Variants in BICRAL observed in about 807,000 individuals in gnomAD.
BICRAL encodes BICRA like chromatin remodeling complex associated protein.
In BICRAL, 8 loss-of-function variants were observed where a neutral mutation model predicts 91.8. The ratio of observed to expected loss-of-function variants is 0.09; its 90% confidence interval spans 0.05 to 0.16. BICRAL has a LOEUF of 0.16. Among genes scored for constraint, BICRAL ranks in the 10% least tolerant of loss-of-function variants. BICRAL has a pLI of 1.00. For missense variants in BICRAL, 1,038 were observed against 1,310.9 expected (o/e 0.79, Z 3.21); for synonymous variants, 445 against 491.1 (o/e 0.91, Z 1.24).
chr6:42,814,479 A>ATGTGTGTGTG lies in BICRAL; in HGVS notation c.-6+4090_-6+4099dup, dbSNP rs35473219. ...TATACGTATACATACATATACATGC[A>ATGTGTGTGTG]TGTGTGTGTGTGTGTGTGTGTATAT... On this transcript the variant is annotated intron_variant, in intron 2 of 12. Transcript: ENST00000314073. 7.6e-3 allele frequency among the ~76,000 whole-genome samples: 601 copies of ATGTGTGTGTG among 78,894 alleles called. 7 individuals carry two copies. The highest frequency in any genetic ancestry group is 0.013 in the African/African-American group (168 of 12,828). 51.8% of individuals were successfully genotyped at this position (78,894 alleles called of 152,430 possible).
Position 42,829,549 on chromosome 6 carries a change from A to T in BICRAL, c.1216A>T (p.Ser406Cys). ...APQSQFLIPT[S>C]LSVSSNSVHH... ...CCAAAGTCAGTTCCTTATACCTACA[A>T]GCCTTTCTGTCAGTTCCAACTCGGT... Residue 406 changes from serine to cysteine, a missense_variant, in exon 6 of 13, where the codon AGC becomes TGC. Ser to Cys is a moderately radical substitution (Grantham distance 112). Coordinates refer to ENST00000314073, the MANE Select transcript of BICRAL (RefSeq NM_001393499.1). The T allele has an allele frequency of 6.2e-7, 1 of 1,614,206 alleles. No individual in the cohort carries two copies. The highest frequency in any genetic ancestry group is 8.5e-7 in the Non-Finnish European group (1 of 1,180,040).
At chr6:42,763,800 AAC>A (rs1407558175) in intron 1 of BICRAL, among the ~76,000 whole-genome samples, 1 of 151,380 alleles carries the variant, frequency 6.6e-6, no homozygotes, top group Non-Finnish European at 1.5e-5. Context: ...CAGCCTGAGC[AAC>A]AGAGTGAGAC....
At chr6:42,831,165 A>G (rs1185319883) in intron 6 of BICRAL, among the ~76,000 whole-genome samples, 2 of 152,212 alleles carry the variant, frequency 1.3e-5, no homozygotes, top group African/African-American at 4.8e-5. Flanking sequence ...AGGAGCTTGT[A>G]TTTATACTTA....
At chr6:42,748,003 C>A (rs374241134) in intron 1 of BICRAL, among the ~76,000 whole-genome samples, 1 of 151,538 alleles carries the variant, frequency 6.6e-6, no homozygotes, top group African/African-American at 2.4e-5. Context: ...GGGGTTTCTC[C>A]ATGTTGGTCA....
chr6:42,849,255 T>G (rs1260658651), intron 6 of BICRAL, among the ~76,000 whole-genome samples: 1 of 152,080 alleles, frequency 6.6e-6, no homozygotes, highest in Non-Finnish European at 1.5e-5. Flanking sequence ...ATCCAGCTAA[T>G]TTTTTAATTT....
Position 42,865,981 on chromosome 6 carries a change from A to T in BICRAL, c.*535A>T, listed in dbSNP as rs1483191068. On this transcript the variant is annotated 3_prime_UTR_variant, in exon 13 of 13. Coordinates refer to ENST00000314073, the MANE Select transcript of BICRAL (RefSeq NM_001393499.1). ...TTGTTATTGTTGAGGGGAAGACCACATGGTTCTTCCCCCTCAGCCATCTTT... is the reference window on the plus strand; with the variant it reads ...TTGTTATTGTTGAGGGGAAGACCACTTGGTTCTTCCCCCTCAGCCATCTTT... 1 of 152,498 alleles carries T rather than the reference A, an allele frequency of 6.6e-6. No homozygotes were observed. Among genetic ancestry groups the T allele is most frequent in the Non-Finnish European group, 1.5e-5 (1 of 68,332 alleles). The allele number at this position is 152,498 out of a possible 1,614,324, so 9.4% of individuals were successfully genotyped here. A position where few individuals can be genotyped will look rare whatever the true frequency, so the allele number is the denominator to read the frequency against.
At chr6:42,827,334 C>T (rs1039417047) in intron 5 of BICRAL, among the ~76,000 whole-genome samples, 1 of 152,134 alleles carries the variant, frequency 6.6e-6, no homozygotes, top group Non-Finnish European at 1.5e-5. Context: ...ATATCTCTGC[C>T]ACAACACTGA....
At chr6:42,816,063 G>C (rs1440389157) in intron 2 of BICRAL, among the ~76,000 whole-genome samples, 1 of 151,116 alleles carries the variant, frequency 6.6e-6, no homozygotes, top group Non-Finnish European at 1.5e-5. Flanking sequence ...AGGCCAGTAG[G>C]CTGCTTTAAA....
At chr6:42,746,727 CT>C (rs997274888), upstream of BICRAL, among the ~76,000 whole-genome samples, 2 of 152,138 alleles carry the variant, frequency 1.3e-5, no homozygotes, top group Admixed American at 6.6e-5. Flanking sequence ...CCCCTCCCCC[CT>C]ATCCACTGCA....
chr6:42,804,228 G>A (rs1357779332), intron 1 of BICRAL, among the ~76,000 whole-genome samples: 1 of 152,144 alleles, frequency 6.6e-6, no homozygotes, highest in Non-Finnish European at 1.5e-5. Flanking sequence ...CTCCATGTTG[G>A]TCAGGCTGGT....
chr6:42,752,153 G>C (rs1299545541), intron 1 of BICRAL, among the ~76,000 whole-genome samples: 1 of 152,198 alleles, frequency 6.6e-6, no homozygotes, highest in East Asian at 1.9e-4. Flanking sequence ...GTGCAGGCAG[G>C]TCCTGTTGTT....
chr6:42,748,401 C>T (rs78968885), intron 1 of BICRAL, among the ~76,000 whole-genome samples: 64 of 152,212 alleles, frequency 4.2e-4, no homozygotes, highest in Admixed American at 1.3e-3. Flanking sequence ...AGTGAGATAA[C>T]ATTTCGGTAT....
intron 1 of BICRAL, among the ~76,000 whole-genome samples, chr6:42,782,868 A>G (rs1035761928): frequency 2.6e-5 from 4 of 151,218 alleles, no homozygotes; most frequent in African/African-American, 7.3e-5. Context: ...AAGCTTTTCC[A>G]ATCTCCTCCC....
intron 1 of BICRAL, among the ~76,000 whole-genome samples, chr6:42,760,971 G>A (rs149198375): frequency 3.4e-4 from 51 of 151,808 alleles, no homozygotes; most frequent in Non-Finnish European, 6.3e-4. Flanking sequence ...GCAGTCAGCC[G>A]AGATCACGCC....
rs1418488122 is a variant in BICRAL, at chr6:42,828,729, A to C, written c.396A>C (p.Ser132=). 6.2e-7 allele frequency: 1 copy of C among 1,614,098 alleles called. No individual in the cohort carries two copies. The highest frequency in any genetic ancestry group is 8.5e-7 in the Non-Finnish European group (1 of 1,180,048). ...CATATTTGGATGCCAGTATAGGTTC[A>C]AGCCAACAGTTTGCACAAGCTCAGC... ...EEAYLDASIG[S]SQQFAQAQLH... Residue 132 remains serine, a synonymous_variant, in exon 6 of 13, where the codon TCA becomes TCC. Coordinates refer to ENST00000314073, the MANE Select transcript of BICRAL (RefSeq NM_001393499.1).
At chr6:42,789,932 CT>C (rs1763219177) in intron 1 of BICRAL, among the ~76,000 whole-genome samples, 1 of 152,052 alleles carries the variant, frequency 6.6e-6, no homozygotes, top group South Asian at 2.1e-4. Context: ...CATTTGCTGA[CT>C]CAGTACTTGG....
rs766930462 is a variant in BICRAL at position 42,857,054 on chromosome 6, T to C, written c.2109-37T>C. ...TATGACTAGATTTAATTTCCTAACA[T>C]GACTTTACATTGACATTGACCATTT... is the stretch of plus-strand genomic sequence containing the variant. On this transcript the variant is annotated intron_variant, in intron 9 of 12. Transcript: ENST00000314073. The C allele has an allele frequency of 1.9e-6, 3 of 1,555,478 alleles. No individual in the cohort carries two copies. In the Admixed American group the frequency reaches 5.5e-5, roughly 28 times the overall value.
intron 2 of BICRAL, among the ~76,000 whole-genome samples, chr6:42,818,241 T>C (rs958698176): frequency 6.6e-6 from 1 of 152,202 alleles, no homozygotes; most frequent in Non-Finnish European, 1.5e-5. Context: ...TTTATTTCCC[T>C]TATTGTAAGT....
In BICRAL at chr6:42,830,098, G is replaced by A; in HGVS notation, c.1765G>A (p.Val589Ile). 2 of 1,614,142 alleles carry A rather than the reference G, an allele frequency of 1.2e-6. No individual in the cohort carries two copies. The highest frequency in any genetic ancestry group is 1.7e-6 in the Non-Finnish European group (2 of 1,180,014). Residue 589 changes from valine (V) to isoleucine (I), a missense_variant, in exon 6 of 13, where the codon GTT (valine) becomes ATT (isoleucine). This residue lies in a region of BICRAL where 532 missense variants were observed against 724.9 expected (regional missense o/e 0.73). Transcript: ENST00000314073. ...AGTCAGTGTGTCTCATCGTCTTCCAGTTTCTTCTTCCAAGTCTACCAGCAC... is the reference window on the plus strand; with the variant it reads ...AGTCAGTGTGTCTCATCGTCTTCCAATTTCTTCTTCCAAGTCTACCAGCAC... The part of the protein sequence containing the change: ...VPVSVSHRLP[V>I]SSSKSTSTFS...
Sources: allele counts gnomAD v4.1 joint callset (sites outside exome capture counted in the v4.1 genomes callset), GRCh38; gene constraint gnomAD v4.1.1; regional missense constraint gnomAD v4.1.1; transcripts MANE v1.5; gene names NCBI Gene and HGNC (gene_info 2026-07-23, HGNC 2026-07-21).